The following BNC2 variants were observed in gnomAD, a reference collection of about 807,000 sequenced individuals.
The protein encoded by BNC2 is zinc finger protein basonuclin-2.
In BNC2, 20 loss-of-function variants were observed where a neutral mutation model predicts 76.3. That is an observed-to-expected ratio of 0.26 (90% confidence interval 0.18 to 0.38). BNC2 has a LOEUF of 0.38. Among genes scored for constraint, BNC2 ranks in the 10% least tolerant of loss-of-function variants. The pLI, the probability that BNC2 is intolerant of heterozygous loss-of-function variation, is 1.00. For synonymous variants in BNC2, 582 were observed against 514.8 expected (o/e 1.13, Z -1.77); for missense variants, 1,382 against 1,399.8 (o/e 0.99, Z 0.20).
intron 3 of BNC2, among the ~76,000 whole-genome samples, chr9:16,601,035 T>C (rs1348632823): frequency 2.6e-5 from 4 of 152,232 alleles, no homozygotes; most frequent in African/African-American, 9.6e-5. Context: ...AAGAGGAGTC[T>C]GTAAATTAAA....
intron 5 of BNC2, among the ~76,000 whole-genome samples, chr9:16,532,571 C>T (rs1019562247): frequency 4.0e-5 from 6 of 151,874 alleles, no homozygotes; most frequent in African/African-American, 1.2e-4. Context: ...GCTAAACATT[C>T]GGAAATTTTG....
At chr9:16,569,424 A>G (rs1587183002) in intron 4 of BNC2, among the ~76,000 whole-genome samples, 1 of 152,158 alleles carries the variant, frequency 6.6e-6, no homozygotes, top group East Asian at 1.9e-4. Context: ...ATACACATAT[A>G]AACACCCACA....
chr9:16,652,503 A>G lies in BNC2; in HGVS notation c.331-69418T>C, dbSNP rs545734996. 1.5e-4 allele frequency among the ~76,000 whole-genome samples: 23 copies of G among 152,326 alleles called. No homozygotes were observed. The East Asian group carries it at 4.2e-3, about 28-fold the overall frequency. ...TTTATCTTCAGTGGTCTACTTTTTG[A>G]AAAATTCACTTTAATAAAAGATTTA... On this transcript the variant is annotated intron_variant, in intron 3 of 6. Coordinates refer to ENST00000380672, the MANE Select transcript of BNC2 (RefSeq NM_017637.6).
At chr9:16,527,926 G>A (rs1817861024) in intron 5 of BNC2, among the ~76,000 whole-genome samples, 1 of 152,204 alleles carries the variant, frequency 6.6e-6, no homozygotes, top group Non-Finnish European at 1.5e-5. Flanking sequence ...GTGGAAAAAG[G>A]ATGAGATAAC....
chr9:16,515,879 A>C (rs1334212825), intron 5 of BNC2, among the ~76,000 whole-genome samples: 1 of 151,926 alleles, frequency 6.6e-6, no homozygotes, highest in Non-Finnish European at 1.5e-5. Flanking sequence ...GAGGCATCTG[A>C]CAATTGTAAC....
chr9:16,643,065 C>T (rs1052036232), intron 3 of BNC2, among the ~76,000 whole-genome samples: 4 of 152,146 alleles, frequency 2.6e-5, no homozygotes, highest in African/African-American at 9.7e-5. Flanking sequence ...ATGATTATCA[C>T]AGTAGAAAGA....
intron 3 of BNC2, among the ~76,000 whole-genome samples, chr9:16,679,963 G>A (rs1271839112): frequency 2.6e-5 from 4 of 152,164 alleles, no homozygotes; most frequent in Non-Finnish European, 5.9e-5. Context: ...TTTCCACAGG[G>A]ATCTGTTTGG....
At chr9:16,607,051 G>A (rs761785468) in intron 3 of BNC2, among the ~76,000 whole-genome samples, 19 of 151,842 alleles carry the variant, frequency 1.3e-4, no homozygotes, top group Non-Finnish European at 1.8e-4. Flanking sequence ...GGGCTCGGGC[G>A]ATCTTCCTGT....
intron 3 of BNC2, among the ~76,000 whole-genome samples, chr9:16,658,546 C>G (rs1046525325): frequency 6.6e-6 from 1 of 151,900 alleles, no homozygotes; most frequent in Non-Finnish European, 1.5e-5. Flanking sequence ...ATTTTTTTTC[C>G]CATCAAATGG....
intron 1 of BNC2, among the ~76,000 whole-genome samples, chr9:16,768,058 T>C (rs567105006): frequency 1.3e-5 from 2 of 151,654 alleles, no homozygotes; most frequent in East Asian, 1.9e-4. Flanking sequence ...CTCCACCTCC[T>C]GGGTTCAAGC....
intron 5 of BNC2, among the ~76,000 whole-genome samples, chr9:16,480,830 C>A (rs1310047906): frequency 6.6e-6 from 1 of 152,202 alleles, no homozygotes; most frequent in African/African-American, 2.4e-5. Context: ...GCCTCCCCGA[C>A]AAGTGCCACC....
chr9:16,436,485 G>T lies in BNC2; in HGVS notation c.1709C>A (p.Pro570His). ...AGTGAGTAAACTTCTATAAAATGGA[G>T]GAACTGGTTGTACAGTCTTTAGCCC... ...FSGLKTVQPVPPFYRSLLTPG... is the reference protein window; with the variant it reads ...FSGLKTVQPVHPFYRSLLTPG... The change falls in exon 6 of 7, where the codon CCT (proline) becomes CAT (histidine). Residue 570 changes from proline to histidine, a missense_variant. Physicochemically the swap from Pro to His is moderately conservative, Grantham distance 77. This residue lies in a region of BNC2 where 798 missense variants were observed against 775.5 expected (regional missense o/e 1.03). Transcript: ENST00000380672. 1 of 1,614,134 alleles carries T rather than the reference G, an allele frequency of 6.2e-7. No homozygotes were observed. Among genetic ancestry groups the T allele is most frequent in the East Asian group, 2.2e-5 (1 of 44,856 alleles).
At chr9:16,464,136 T>TTTAAAATGGGAGGA (rs1821653589) in intron 5 of BNC2, among the ~76,000 whole-genome samples, 1 of 150,226 alleles carries the variant, frequency 6.7e-6, no homozygotes, top group Non-Finnish European at 1.5e-5. Flanking sequence ...ATATAAATGA[T>TTTAAAATGGGAGGA]TTAAAATGGG....
At chr9:16,431,089 G>A (rs1820899322) in intron 6 of BNC2, among the ~76,000 whole-genome samples, 1 of 152,176 alleles carries the variant, frequency 6.6e-6, no homozygotes, top group African/African-American at 2.4e-5. Flanking sequence ...TAAAACTCAT[G>A]TAGGATGAAA....
At chr9:16,641,685 C>T (rs1256208175) in intron 3 of BNC2, among the ~76,000 whole-genome samples, 1 of 152,156 alleles carries the variant, frequency 6.6e-6, no homozygotes, top group Non-Finnish European at 1.5e-5. Context: ...GATTCCAAAA[C>T]TTCTAGTCCA....
intron 3 of BNC2, among the ~76,000 whole-genome samples, chr9:16,685,360 G>A (rs188046669): frequency 6.6e-6 from 1 of 152,328 alleles, no homozygotes. Flanking sequence ...ACAGACAAAT[G>A]ATCTACAGTT....
intron 3 of BNC2, among the ~76,000 whole-genome samples, chr9:16,642,545 C>G (rs1200922999): frequency 6.6e-6 from 1 of 152,210 alleles, no homozygotes; most frequent in East Asian, 1.9e-4. Context: ...ATGTGCCTCA[C>G]TAAAATTTTT....
chr9:16,561,625 T>A (rs867861144), intron 4 of BNC2, among the ~76,000 whole-genome samples: 4 of 152,210 alleles, frequency 2.6e-5, no homozygotes, highest in African/African-American at 9.6e-5. Flanking sequence ...TAAAGGTAGA[T>A]ACTTGGCTTA....
chr9:16,766,369 G>A (rs1825694659), intron 1 of BNC2, among the ~76,000 whole-genome samples: 1 of 152,106 alleles, frequency 6.6e-6, no homozygotes, highest in South Asian at 2.1e-4. Context: ...AGCATTCGCA[G>A]CTGCTGATTT....
Sources: gnomAD v4.1 joint callset for allele counts (sites outside exome capture counted in the v4.1 genomes callset) on GRCh38, gnomAD v4.1.1 for gene constraint, gnomAD v4.1.1 regional missense constraint, MANE v1.5 for transcripts, NCBI Gene and HGNC (gene_info 2026-07-23, HGNC 2026-07-21) for gene names.